Variants in PDE11A observed in about 807,000 individuals in gnomAD.
The protein encoded by PDE11A is phosphodiesterase 11A.
Under a neutral mutation model 100.5 loss-of-function variants are expected in PDE11A, and 100 were observed. That is an observed-to-expected ratio of 1.00 (90% CI 0.85 to 1.18). The LOEUF is 1.18. PDE11A is among the 50% of genes most tolerant of loss of function. PDE11A has a pLI of 0.00. For synonymous variants in PDE11A, 381 were observed against 420.8 expected, an observed-to-expected ratio of 0.91 and a Z score of 1.16; for missense variants, 1,141 against 1,152.6, an observed-to-expected ratio of 0.99 and a Z score of 0.15.
At chr2:178,052,789 A>T (rs1310100165) in intron 1 of PDE11A, among the ~76,000 whole-genome samples, 1 of 152,236 alleles carries the variant, frequency 6.6e-6, no homozygotes, top group African/African-American at 2.4e-5. Context: ...TCCTGGACAC[A>T]TAAACCCTCC....
intron 10 of PDE11A, among the ~76,000 whole-genome samples, chr2:177,743,628 G>A (rs1559169656): frequency 6.6e-6 from 1 of 152,224 alleles, no homozygotes; most frequent in Non-Finnish European, 1.5e-5. Flanking sequence ...AAGTGAATTA[G>A]CATTTTTTAA....
chr2:177,708,026 T>G (rs1332969650), intron 13 of PDE11A, among the ~76,000 whole-genome samples: 2 of 152,090 alleles, frequency 1.3e-5, no homozygotes, highest in Non-Finnish European at 2.9e-5. Flanking sequence ...ACCATTGGCC[T>G]GGGGGAGAGA....
intron 10 of PDE11A, among the ~76,000 whole-genome samples, chr2:177,760,115 G>A (rs916614774): frequency 6.6e-6 from 1 of 152,102 alleles, no homozygotes; most frequent in Non-Finnish European, 1.5e-5. Flanking sequence ...AAGCAGAGGG[G>A]TTCCATTTTT....
intron 10 of PDE11A, among the ~76,000 whole-genome samples, chr2:177,764,855 T>C (rs1186344944): frequency 2.0e-5 from 3 of 152,226 alleles, no homozygotes; most frequent in Non-Finnish European, 4.4e-5. Flanking sequence ...TACTACAACC[T>C]GAATCAGACT....
rs116661003 is a variant in PDE11A, at chr2:177,675,372, T to C, written c.2487+83A>G. 3.2e-3 allele frequency: 3,125 copies of C among 965,418 alleles called. 41 individuals are homozygous for C. Among genetic ancestry groups the C allele is most frequent in the African/African-American group, 0.028 (1,774 of 62,572 alleles). The allele number at this position is 965,418 out of a possible 1,614,324, so 59.8% of individuals were successfully genotyped here. A position where few individuals can be genotyped will look rare whatever the true frequency, so the allele number is the denominator to read the frequency against. ...AATTGACTAGGGTTTCAGTGCCTGGTAGTCAGGGCTCTGGGAATATTGTGT... is the reference window on the plus strand; with the variant it reads ...AATTGACTAGGGTTTCAGTGCCTGGCAGTCAGGGCTCTGGGAATATTGTGT... On this transcript the variant is annotated intron_variant, in intron 17 of 19. Coordinates refer to ENST00000286063, the MANE Select transcript of PDE11A (RefSeq NM_016953.4).
chr2:177,650,869 T>C (rs746229617), intron 19 of PDE11A, among the ~76,000 whole-genome samples: 2 of 152,172 alleles, frequency 1.3e-5, no homozygotes, highest in Non-Finnish European at 2.9e-5. Context: ...AGTATAAAAA[T>C]AGCATGTTTC....
At position 177,623,473 on chromosome 2, in the gene PDE11A, A is replaced by G. The variant is rs1459327510; in HGVS notation, c.*5934T>C. Reference sequence around the variant, plus strand: ...GTAAAACAATAATAATTAGGAAGGAAGTCAGTAGGAGATCCTTTTTAGGTT... The same window carrying G: ...GTAAAACAATAATAATTAGGAAGGAGGTCAGTAGGAGATCCTTTTTAGGTT... On this transcript the variant is annotated 3_prime_UTR_variant, in exon 20 of 20. Transcript: ENST00000286063. 1 of 152,270 alleles carries G rather than the reference A, an allele frequency of 6.6e-6. No homozygotes were observed. Among genetic ancestry groups the G allele is most frequent in the Non-Finnish European group, 1.5e-5 (1 of 68,048 alleles). The allele number at this position is 152,270 out of a possible 1,614,324, so 9.4% of individuals were successfully genotyped here.
chr2:177,650,338 C>A (rs569033999), intron 19 of PDE11A, among the ~76,000 whole-genome samples: 1 of 152,216 alleles, frequency 6.6e-6, no homozygotes, highest in Non-Finnish European at 1.5e-5. Context: ...AGGGTCCCAT[C>A]CATCATCATT....
intron 5 of PDE11A, among the ~76,000 whole-genome samples, chr2:177,849,637 T>C (rs2083662298): frequency 6.6e-6 from 1 of 151,578 alleles, no homozygotes; most frequent in Non-Finnish European, 1.5e-5. Context: ...ATTATTATTA[T>C]TATTTTTAGT....
intron 10 of PDE11A, among the ~76,000 whole-genome samples, chr2:177,749,910 A>C (rs549213074): frequency 2.0e-5 from 3 of 152,308 alleles, no homozygotes; most frequent in South Asian, 2.1e-4. Flanking sequence ...ATGTAGGCTC[A>C]TATTAGGAAG....
At chr2:177,716,234 C>T (rs910461944) in intron 12 of PDE11A, among the ~76,000 whole-genome samples, 5 of 152,246 alleles carry the variant, frequency 3.3e-5, no homozygotes, top group African/African-American at 9.6e-5. Flanking sequence ...GGAAAAGTAG[C>T]CCTCCAGCTA....
At chr2:177,869,448 G>A (rs772879853) in intron 5 of PDE11A, among the ~76,000 whole-genome samples, 5 of 152,180 alleles carry the variant, frequency 3.3e-5, no homozygotes, top group African/African-American at 4.8e-5. Context: ...AACATTTGTT[G>A]AATCCTGCTC....
At position 177,801,441 on chromosome 2, in the gene PDE11A, T is replaced by G. The variant is rs148501743; in HGVS notation, c.1737+15388A>C. 8.0e-3 allele frequency among the ~76,000 whole-genome samples: 1,215 copies of G among 152,254 alleles called. 17 individuals carry two copies. The highest frequency in any genetic ancestry group is 0.028 in the African/African-American group (1,155 of 41,564). On this transcript the variant is annotated intron_variant, in intron 9 of 19. Coordinates refer to ENST00000286063, the MANE Select transcript of PDE11A (RefSeq NM_016953.4). ...AACAAACATTTACTCAGTGAATGAA[T>G]ATATAGACAACAACAGAGATGGTTA...
chr2:177,637,090 T>A lies in PDE11A; in HGVS notation c.2647-7528A>T, dbSNP rs540936247. ...ATAAGAGGAGTTTCTATATATTGAA[T>A]GTTCACTGTGCTGGGCTAGGGCCGG... On this transcript the variant is annotated intron_variant, in intron 19 of 19. Transcript: ENST00000286063. 2.0e-5 allele frequency among the ~76,000 whole-genome samples: 3 copies of A among 152,354 alleles called. No homozygotes were observed. The South Asian group carries it at 6.2e-4, about 32-fold the overall frequency.
intron 18 of PDE11A, among the ~76,000 whole-genome samples, chr2:177,669,253 T>C (rs1305413753): frequency 6.6e-6 from 1 of 152,174 alleles, no homozygotes; most frequent in Non-Finnish European, 1.5e-5. Flanking sequence ...TCATCCTCCC[T>C]CGTGCCTACT....
At chr2:177,729,427 T>A (rs759552873) in intron 10 of PDE11A, among the ~76,000 whole-genome samples, 3 of 152,184 alleles carry the variant, frequency 2.0e-5, no homozygotes, top group Non-Finnish European at 4.4e-5. Flanking sequence ...GGGGATGCCT[T>A]TCTCTCTTTC....
chr2:177,697,491 G>T, intron 14 of PDE11A, 59 bp from the exon 15 acceptor site: 1 of 846,480 alleles, frequency 1.2e-6, no homozygotes, highest in Non-Finnish European at 2.1e-6. Flanking sequence ...TTGATTACAT[G>T]TTTTTCCTCT....
chr2:177,954,955 C>A lies in PDE11A; in HGVS notation c.1072-49768G>T, dbSNP rs985683932. Among the ~76,000 whole-genome samples the A allele has an allele frequency of 5.9e-5, 9 of 152,092 alleles. No individual in the cohort carries two copies. In the East Asian group the frequency reaches 1.7e-3, roughly 29 times the overall value. On this transcript the variant is annotated intron_variant, in intron 2 of 19. Transcript: ENST00000286063. ...TTATTTTTAATTACCCTAAAGCATG[C>A]AAGACATATGAGTACTAAAAAAGCA...
chr2:177,738,121 G>T (rs1026243441), intron 10 of PDE11A, among the ~76,000 whole-genome samples: 1 of 125,960 alleles, frequency 7.9e-6, no homozygotes, highest in Non-Finnish European at 1.8e-5. Context: ...TTCTAAGTTT[G>T]TGTGAATCCG....
Sources: gnomAD v4.1 joint callset for allele counts (sites outside exome capture counted in the v4.1 genomes callset) on GRCh38, gnomAD v4.1.1 for gene constraint, MANE v1.5 for transcripts, NCBI Gene and HGNC (gene_info 2026-07-23, HGNC 2026-07-21) for gene names.